C4orf54: variants seen among roughly 807,000 people sequenced by gnomAD.
The protein encoded by C4orf54 is uncharacterized protein C4orf54.
C4orf54 carries 67 observed loss-of-function variants against 80.1 expected under a neutral mutation model. The ratio of observed to expected loss-of-function variants is 0.84; its 90% CI spans 0.69 to 1.03. The LOEUF is 1.03. Among genes scored for constraint, C4orf54 ranks in the 50% least tolerant of loss-of-function variants. The pLI, the probability that C4orf54 is intolerant of heterozygous loss-of-function variation, is 0.00. For missense variants in C4orf54, 2,434 were observed against 2,253.5 expected (o/e 1.08, Z -1.62); for synonymous variants, 1,000 against 917.0 (o/e 1.09, Z -1.64).
Position 99,640,200 on chromosome 4 carries a change from T to A in C4orf54, c.*1033A>T, listed in dbSNP as rs905968143. The A allele has an allele frequency of 1.3e-5, 2 of 152,152 alleles. No homozygotes were observed. The highest frequency in any genetic ancestry group is 6.5e-5 in the Admixed American group (1 of 15,276). 9.4% of individuals were successfully genotyped at this position (152,152 alleles called of 1,614,324 possible). On this transcript the variant is annotated 3_prime_UTR_variant, in exon 3 of 3. Transcript: ENST00000511828. ...GATTCTGTGATTTGGATTCTTGACA[T>A]CTCTTCAAACCTGCCTCATCCTCAT...
At chr4:99,644,394 A>C (rs1006606649) in intron 2 of C4orf54, among the ~76,000 whole-genome samples, 5 of 152,188 alleles carry the variant, frequency 3.3e-5, no homozygotes, top group African/African-American at 1.2e-4. Flanking sequence ...CCACAATGCA[A>C]TTAAAGGGAA....
rs1166325134 is a variant in C4orf54, at chr4:99,653,064, C to A, written c.1585G>T (p.Ala529Ser). The change falls in exon 2 of 3, where the codon GCT becomes TCT. Residue 529 changes from alanine (A) to serine (S), a missense_variant. Transcript: ENST00000511828. The part of the protein sequence containing the change: ...ILLSIKPASR[A>S]INEPSNVRAK... The stretch of plus-strand genomic sequence containing the variant: ...CGCACGTTGCTAGGCTCATTTATAG[C>A]CCGGGAAGCCGGTTTGATTGATAGG... 5 of 1,536,106 alleles carry A rather than the reference C, an allele frequency of 3.3e-6. No individual in the cohort carries two copies. Among genetic ancestry groups the A allele is most frequent in the Non-Finnish European group, 2.6e-6 (3 of 1,146,930 alleles).
chr4:99,656,861 C>T (rs1001636380), intron 1 of C4orf54, among the ~76,000 whole-genome samples: 1 of 152,190 alleles, frequency 6.6e-6, no homozygotes, highest in Non-Finnish European at 1.5e-5. Context: ...TTGCTGACTT[C>T]CATGCTCAAA....
intron 2 of C4orf54, among the ~76,000 whole-genome samples, chr4:99,646,884 T>TA (rs1023490704): frequency 2.6e-5 from 4 of 152,084 alleles, no homozygotes; most frequent in Admixed American, 6.6e-5. Flanking sequence ...ATTACACACT[T>TA]AAAAAAAATC....
chr4:99,642,084 G>A (rs1487544013), intron 2 of C4orf54, among the ~76,000 whole-genome samples: 4 of 152,084 alleles, frequency 2.6e-5, no homozygotes, highest in Non-Finnish European at 5.9e-5. Flanking sequence ...TAATTTTTAA[G>A]CTTATATGTA....
rs539152002 is a variant in C4orf54, at chr4:99,653,828, G to C, written c.821C>G (p.Pro274Arg). Residue 274 changes from proline (P) to arginine (R), a missense_variant, in exon 2 of 3, where the codon CCG becomes CGG. Coordinates refer to ENST00000511828, the MANE Select transcript of C4orf54 (RefSeq NM_001354435.2). ...GCCATCCTCTTCTGCTTTGTTCATC[G>C]GGGAGGAGGATGAGGAAGATGAGAA... is the stretch of plus-strand genomic sequence containing the variant. Reference protein sequence around the residue: ...GNFSSSSSSSPMNKAEEDGLS... With the variant: ...GNFSSSSSSSRMNKAEEDGLS... 4.0e-5 allele frequency: 62 copies of C among 1,536,130 alleles called. 1 individual carries two copies. Among genetic ancestry groups the C allele is most frequent in the Middle Eastern group, 1.7e-4 (1 of 5,990 alleles).
chr4:99,645,284 G>T (rs1006239465), intron 2 of C4orf54, among the ~76,000 whole-genome samples: 3 of 151,846 alleles, frequency 2.0e-5, no homozygotes, highest in African/African-American at 7.3e-5. Flanking sequence ...TGCTACTTTA[G>T]TTGCTGATGC....
Position 99,650,481 on chromosome 4 carries a change from G to T in C4orf54, c.4168C>A (p.Pro1390Thr). 1 of 1,536,148 alleles carries T rather than the reference G, an allele frequency of 6.5e-7. No individual in the cohort carries two copies. The highest frequency in any genetic ancestry group is 8.7e-7 in the Non-Finnish European group (1 of 1,146,906). The change falls in exon 2 of 3, where the codon CCA (proline) becomes ACA (threonine). Residue 1390 changes from proline (P) to threonine (T), a missense_variant. By Grantham distance (38) the Pro-to-Thr change is conservative. Coordinates refer to ENST00000511828, the MANE Select transcript of C4orf54 (RefSeq NM_001354435.2). ...ERTQPLQPLP[P>T]LPSNRNVFTV... ...AACACGTTCCGGTTGCTGGGGAGTG[G>T]TGGGAGGGGCTGCAGGGGTTGGGTT...
rs1356989910 is a variant in C4orf54, at chr4:99,651,216, A to T, written c.3433T>A (p.Ser1145Thr). Reference sequence around the variant, plus strand: ...ATCACCATGGGGGACAGGGATCCAGATCCGCCAGCTGCTGCAGACAGCTGC... The same window carrying T: ...ATCACCATGGGGGACAGGGATCCAGTTCCGCCAGCTGCTGCAGACAGCTGC... ...PRQLSAAAGG[S>T]GSLSPMVITC... is the part of the protein sequence containing the mutation. The change falls in exon 2 of 3, where the codon TCT (serine) becomes ACT (threonine). Residue 1145 changes from serine to threonine, a missense_variant. Transcript: ENST00000511828. 1 of 1,536,042 alleles carries T rather than the reference A, an allele frequency of 6.5e-7. No homozygotes were observed. Among genetic ancestry groups the T allele is most frequent in the Non-Finnish European group, 8.7e-7 (1 of 1,146,892 alleles).
chr4:99,645,707 T>C (rs994825008), intron 2 of C4orf54, among the ~76,000 whole-genome samples: 2 of 152,044 alleles, frequency 1.3e-5, no homozygotes, highest in Non-Finnish European at 2.9e-5. Flanking sequence ...TTGTCAAAGA[T>C]CATGTGAAGA....
In C4orf54 at chr4:99,654,359, G is replaced by T; in HGVS notation, c.290C>A (p.Pro97His). 1 of 1,193,398 alleles carries T rather than the reference G, an allele frequency of 8.4e-7. No individual in the cohort carries two copies. Among genetic ancestry groups the T allele is most frequent in the Non-Finnish European group, 1.2e-6 (1 of 834,126 alleles). The allele number at this position is 1,193,398 out of a possible 1,614,324, so 73.9% of individuals were successfully genotyped here. A position where few individuals can be genotyped will look rare whatever the true frequency, so the allele number is the denominator to read the frequency against. The change falls in exon 2 of 3, where the codon CCT becomes CAT. Residue 97 changes from proline to histidine, a missense_variant. Coordinates refer to ENST00000511828, the MANE Select transcript of C4orf54 (RefSeq NM_001354435.2). Reference protein sequence around the residue: ...WEVVAAVAAVPTALGPVQIRG... With the variant: ...WEVVAAVAAVHTALGPVQIRG... Reference sequence around the variant, plus strand: ...TATCTGGACTGGCCCCAAGGCTGTAGGCACTGCTGCCACTGCTGCCACCAC... The same window carrying T: ...TATCTGGACTGGCCCCAAGGCTGTATGCACTGCTGCCACTGCTGCCACCAC...
rs1416658741 is a variant in C4orf54 at position 99,649,769 on chromosome 4, G to GGT, written c.4878_4879dup (p.Pro1627HisfsTer6). On this transcript the variant is annotated frameshift_variant, in exon 2 of 3. Transcript: ENST00000511828. LOFTEE classifies it low-confidence loss of function (END_TRUNC). ...CAGTCTCCGGGTCATGGGCTGTACT[G>GGT]GTGTGTCCACCAGATAGTACTGGCC... 1.3e-6 allele frequency: 2 copies of GGT among 1,536,092 alleles called. No individual in the cohort carries two copies. Among genetic ancestry groups the GGT allele is most frequent in the Admixed American group, 3.9e-5 (2 of 50,980 alleles).
Position 99,636,982 on chromosome 4 carries a change from A to T in C4orf54, c.*4251T>A, listed in dbSNP as rs1726513664. 6.6e-6 allele frequency: 1 copy of T among 152,196 alleles called. No individual in the cohort carries two copies. The highest frequency in any genetic ancestry group is 1.5e-5 in the Non-Finnish European group (1 of 68,028). The allele number at this position is 152,196 out of a possible 1,614,324, so 9.4% of individuals were successfully genotyped here. A position where few individuals can be genotyped will look rare whatever the true frequency, so the allele number is the denominator to read the frequency against. On this transcript the variant is annotated 3_prime_UTR_variant, in exon 3 of 3. Coordinates refer to ENST00000511828, the MANE Select transcript of C4orf54 (RefSeq NM_001354435.2). The stretch of plus-strand genomic sequence containing the variant: ...TCCTTTTTTCCAACATAACTTCTAC[A>T]GTGTTCACATTCTTTTCAACCACTG...
Position 99,653,010 on chromosome 4 carries a change from T to C in C4orf54, c.1639A>G (p.Lys547Glu). ...RAKQNIIYAA[K>E]HEGDMSLRVS... ...CGGAGGCTCATGTCGCCTTCATGCT[T>C]GGCAGCATAAATAATGTTTTGCTTT... Residue 547 changes from lysine to glutamate, a missense_variant, in exon 2 of 3, where the codon AAG becomes GAG. Physicochemically the swap from Lys to Glu is moderately conservative, Grantham distance 56. Transcript: ENST00000511828. 1 of 1,536,168 alleles carries C rather than the reference T, an allele frequency of 6.5e-7. No homozygotes were observed. The highest frequency in any genetic ancestry group is 8.7e-7 in the Non-Finnish European group (1 of 1,146,902).
chr4:99,653,232 G>T lies in C4orf54; in HGVS notation c.1417C>A (p.Pro473Thr), dbSNP rs1726893009. ...GGGGGAGTGGGGCCACTGTCAGAGG[G>T]GCCACTGCCCACTTCGGTGCTGCTG... The part of the protein sequence containing the change: ...DTSSTEVGSG[P>T]SDSGPTPPPT... Residue 473 changes from proline (P) to threonine (T), a missense_variant, in exon 2 of 3, where the codon CCC (proline) becomes ACC (threonine). Pro to Thr is a conservative substitution (Grantham distance 38). Transcript: ENST00000511828. 17 of 1,533,952 alleles carry T rather than the reference G, an allele frequency of 1.1e-5. No homozygotes were observed. The South Asian group carries it at 2.0e-4, about 18-fold the overall frequency.
intron 1 of C4orf54, among the ~76,000 whole-genome samples, chr4:99,655,741 C>A (rs866649991): frequency 8.5e-5 from 13 of 152,182 alleles, no homozygotes; most frequent in African/African-American, 3.1e-4. Context: ...GGTGGAGAAC[C>A]ATGATGCTTG....
chr4:99,652,554 G>C lies in C4orf54; in HGVS notation c.2095C>G (p.Arg699Gly), dbSNP rs765691154. The C allele has an allele frequency of 2.6e-6, 4 of 1,535,948 alleles. No homozygotes were observed. In the African/African-American group the frequency reaches 5.5e-5, roughly 21 times the overall value. ...AAGLRKGSGA[R>G]ATADQLYIQS... is the part of the protein sequence containing the mutation. ...ATGTAGAGCTGGTCGGCAGTGGCCCGGGCCCCACTGCCCTTCCTCAGACCT... is the reference window on the plus strand; with the variant it reads ...ATGTAGAGCTGGTCGGCAGTGGCCCCGGCCCCACTGCCCTTCCTCAGACCT... The change falls in exon 2 of 3, where the codon CGG becomes GGG. Residue 699 changes from arginine (R) to glycine (G), a missense_variant. By Grantham distance (125) the Arg-to-Gly change is moderately radical. Transcript: ENST00000511828.
Position 99,657,667 on chromosome 4 carries a change from C to T in C4orf54, c.-204G>A, listed in dbSNP as rs1467207237. ...AGCTGAAAATTTTGAATAGAACAGA[C>T]TCTATTAAAAGCAAAAAACAACTGA... is the stretch of plus-strand genomic sequence containing the variant. On this transcript the variant is annotated 5_prime_UTR_variant, in exon 1 of 3. Coordinates refer to ENST00000511828, the MANE Select transcript of C4orf54 (RefSeq NM_001354435.2). Among the ~76,000 whole-genome samples the T allele has an allele frequency of 1.8e-4, 27 of 152,140 alleles. No individual in the cohort carries two copies.
chr4:99,652,932 C>A lies in C4orf54; in HGVS notation c.1717G>T (p.Ala573Ser), dbSNP rs777033298. 12 of 1,536,196 alleles carry A rather than the reference C, an allele frequency of 7.8e-6. No homozygotes were observed. The South Asian group carries it at 1.3e-4, about 17-fold the overall frequency. Residue 573 changes from alanine to serine, a missense_variant, in exon 2 of 3, where the codon GCA (alanine) becomes TCA (serine). Ala to Ser is a moderately conservative substitution (Grantham distance 99). Transcript: ENST00000511828. ...TTTGCATGGTCCTGAGCCACTGCTGCAGCCGGGTTTTGCTTCAGCGAACTT... is the reference window on the plus strand; with the variant it reads ...TTTGCATGGTCCTGAGCCACTGCTGAAGCCGGGTTTTGCTTCAGCGAACTT... Reference protein sequence around the residue: ...NSSSLKQNPAAAVAQDHAKKF... With the variant: ...NSSSLKQNPASAVAQDHAKKF...
Sources: allele counts gnomAD v4.1 joint callset (sites outside exome capture counted in the v4.1 genomes callset), GRCh38; gene constraint gnomAD v4.1.1; transcripts MANE v1.5; gene names NCBI Gene and HGNC (gene_info 2026-07-23, HGNC 2026-07-21).